Variants in POM121 observed in about 807,000 individuals in gnomAD.
POM121 encodes nuclear envelope pore membrane protein POM 121.
POM121 carries 32 observed loss-of-function variants against 81.3 expected under a neutral mutation model. The ratio of observed to expected loss-of-function variants is 0.39; its 90% CI spans 0.30 to 0.53. The LOEUF (loss-of-function observed/expected upper bound fraction) is 0.53. POM121 is among the 20% of genes least tolerant of loss of function. The pLI is 0.66. For missense variants in POM121, 1,138 were observed against 1,614.6 expected, an observed-to-expected ratio of 0.70 and a Z score of 5.06; for synonymous variants, 514 against 694.2, an observed-to-expected ratio of 0.74 and a Z score of 4.08.
At position 72,947,423 on chromosome 7, in the gene POM121, AT is replaced by A; in HGVS notation, c.*1194del. On this transcript the variant is annotated 3_prime_UTR_variant, in exon 13 of 13. Coordinates refer to ENST00000434423, the MANE Select transcript of POM121 (RefSeq NM_001387691.1). ...TAGAAAACCTAAATTAATGAACCAT[AT>A]TTTTAAAATCCTATTTTTCCCAAAC... The A allele has an allele frequency of 1.2e-6, 1 of 838,662 alleles. No homozygotes were observed. Among genetic ancestry groups the A allele is most frequent in the Non-Finnish European group, 1.4e-6 (1 of 697,368 alleles). The allele number at this position is 838,662 out of a possible 1,614,324, so 52.0% of individuals were successfully genotyped here. A position where few individuals can be genotyped will look rare whatever the true frequency, so the allele number is the denominator to read the frequency against.
At chr7:72,910,221 C>G (rs1311473348) in intron 3 of POM121, among the ~76,000 whole-genome samples, 1 of 152,186 alleles carries the variant, frequency 6.6e-6, no homozygotes, top group Admixed American at 6.5e-5. Context: ...TGGCCTTCTT[C>G]CAAGTGTACT....
chr7:72,938,213 T>G (rs1796704365), intron 5 of POM121, among the ~76,000 whole-genome samples: 1 of 152,018 alleles, frequency 6.6e-6, no homozygotes, highest in Non-Finnish European at 1.5e-5. Context: ...CACAAACAAA[T>G]TTTTTTCATT....
downstream of POM121, chr7:72,949,539 C>T: frequency 1.2e-6 from 1 of 826,544 alleles, no homozygotes; most frequent in East Asian, 2.5e-5. Context: ...CATGGAGCAG[C>T]TAAGGGCCTG....
chr7:72,919,491 T>C (rs1794604529), intron 4 of POM121, among the ~76,000 whole-genome samples: 1 of 152,056 alleles, frequency 6.6e-6, no homozygotes, highest in Non-Finnish European at 1.5e-5. Context: ...TTTCAGCTTT[T>C]TATTTATTGT....
chr7:72,933,463 T>A (rs1796218822), intron 5 of POM121, among the ~76,000 whole-genome samples: 1 of 152,248 alleles, frequency 6.6e-6, no homozygotes, highest in African/African-American at 2.4e-5. Context: ...TCATATCCTT[T>A]ACCCATTTTT....
chr7:72,897,994 G>C (rs1554491981), intron 3 of POM121, among the ~76,000 whole-genome samples: 1 of 152,162 alleles, frequency 6.6e-6, no homozygotes, highest in South Asian at 2.1e-4. Flanking sequence ...ACTCCAGCCT[G>C]GGCAACAGAG....
Position 72,942,288 on chromosome 7 carries a change from C to T in POM121, c.2295C>T (p.Ser765=), listed in dbSNP as rs2129580341. ...PSSSSLPTTT[S]TTAPTFQPVF... ...GCTCCTCCCTCCCCACGACCACCAG[C>T]ACCACAGCCCCGACCTTCCAGCCTG... Residue 765 remains serine, a synonymous_variant, in exon 11 of 13, where the codon AGC becomes AGT. Transcript: ENST00000434423. 1 of 1,607,400 alleles carries T rather than the reference C, an allele frequency of 6.2e-7. No individual in the cohort carries two copies. The highest frequency in any genetic ancestry group is 2.2e-5 in the East Asian group (1 of 44,888).
At chr7:72,948,560 T>G (rs368255149), downstream of POM121, 6 of 1,613,368 alleles carry the variant, frequency 3.7e-6, no homozygotes, top group Non-Finnish European at 4.2e-6. Context: ...GGGCTGGGTG[T>G]GCGTTCTGGT....
At chr7:72,930,892 A>G (rs1795952167) in intron 5 of POM121, among the ~76,000 whole-genome samples, 2 of 152,174 alleles carry the variant, frequency 1.3e-5, no homozygotes, top group Non-Finnish European at 1.5e-5. Flanking sequence ...GCAGACAATC[A>G]CATAACATCT....
chr7:72,913,247 A>G (rs1332229469), intron 3 of POM121, among the ~76,000 whole-genome samples: 3 of 151,818 alleles, frequency 2.0e-5, no homozygotes, highest in African/African-American at 7.3e-5. Flanking sequence ...CAGCAACTTA[A>G]CTCTTTTCCT....
intron 3 of POM121, among the ~76,000 whole-genome samples, chr7:72,898,777 G>A (rs1204784540): frequency 7.6e-6 from 1 of 131,712 alleles, no homozygotes; most frequent in African/African-American, 2.8e-5. Flanking sequence ...CAGCCTGGGT[G>A]ACAGAGTGAG....
chr7:72,900,837 T>C (rs28756448), intron 3 of POM121, among the ~76,000 whole-genome samples: 1 of 151,958 alleles, frequency 6.6e-6, no homozygotes, highest in Non-Finnish European at 1.5e-5. Context: ...CTTCTTTCTG[T>C]TTGTTTTGTG....
At position 72,925,147 on chromosome 7, in the gene POM121, G is replaced by A. The variant is rs1332498382; in HGVS notation, c.26G>A (p.Gly9Glu). ...ATGTCTCCGGCGGCTGCGGCGGCTG[G>A]AGCAGGCGAGCGGCGGCGGCCCATA... Reference protein sequence around the residue: MSPAAAAAGAGERRRPIAS... With the variant: MSPAAAAAEAGERRRPIAS... Residue 9 changes from glycine (G) to glutamate (E), a missense_variant, in exon 1 of 13, where the codon GGA (glycine) becomes GAA (glutamate). This residue lies in a region of POM121 where 646 missense variants were observed against 633.5 expected (regional missense o/e 1.02). Transcript: ENST00000434423. The A allele has an allele frequency of 6.9e-6, 10 of 1,446,486 alleles. No individual in the cohort carries two copies. The highest frequency in any genetic ancestry group is 8.2e-6 in the Non-Finnish European group (9 of 1,102,114). 89.6% of individuals were successfully genotyped at this position (1,446,486 alleles called of 1,614,324 possible).
intron 4 of POM121, among the ~76,000 whole-genome samples, chr7:72,914,603 G>T (rs1794125251): frequency 1.3e-5 from 2 of 151,736 alleles, no homozygotes; most frequent in South Asian, 2.1e-4. Flanking sequence ...TGAACTTCTG[G>T]CCTCAAGCGA....
At chr7:72,927,176 C>T (rs1472143114) in intron 3 of POM121, among the ~76,000 whole-genome samples, 6 of 152,176 alleles carry the variant, frequency 3.9e-5, no homozygotes, top group African/African-American at 7.2e-5. Flanking sequence ...TTACCTTTTC[C>T]GTGAGTAGTA....
chr7:72,942,848 T>C lies in POM121; in HGVS notation c.2855T>C (p.Phe952Ser). 2.5e-6 allele frequency: 4 copies of C among 1,578,484 alleles called. No homozygotes were observed. In the South Asian group the frequency reaches 4.7e-5, roughly 18 times the overall value. Residue 952 changes from phenylalanine (F) to serine (S), a missense_variant, in exon 11 of 13, where the codon TTT becomes TCT. Transcript: ENST00000434423. The stretch of plus-strand genomic sequence containing the variant: ...AGCACCCCCACGTTCAACATTCCCT[T>C]TGGCTCAAGCGCCAAGTCCCCGCTC... Reference protein sequence around the residue: ...NTSTPTFNIPFGSSAKSPLPS... With the variant: ...NTSTPTFNIPSGSSAKSPLPS...
At chr7:72,893,798 C>A (rs183997648) in intron 3 of POM121, among the ~76,000 whole-genome samples, 1 of 152,302 alleles carries the variant, frequency 6.6e-6, no homozygotes, top group East Asian at 1.9e-4. Context: ...TCCCTACTTA[C>A]TGTGCTTCCG....
intron 3 of POM121, among the ~76,000 whole-genome samples, chr7:72,901,586 C>T (rs1313418231): frequency 5.3e-5 from 8 of 152,006 alleles, no homozygotes; most frequent in Admixed American, 6.6e-5. Flanking sequence ...AACTCCTGAC[C>T]TCATGATCCA....
intron 5 of POM121, among the ~76,000 whole-genome samples, chr7:72,933,747 G>C (rs1796245539): frequency 2.0e-5 from 3 of 152,218 alleles, no homozygotes; most frequent in African/African-American, 7.2e-5. Flanking sequence ...CTGGGAAATG[G>C]ATACAAGGAT....
Sources: gnomAD v4.1 joint callset for allele counts (sites outside exome capture counted in the v4.1 genomes callset) on GRCh38, gnomAD v4.1.1 for gene constraint, gnomAD v4.1.1 regional missense constraint, MANE v1.5 for transcripts, NCBI Gene and HGNC (gene_info 2026-07-23, HGNC 2026-07-21) for gene names.